SGCD: variants seen among roughly 807,000 people sequenced by gnomAD.
SGCD encodes the protein delta-sarcoglycan.
A neutral mutation model predicts 36.6 loss-of-function variants in SGCD; 18 were observed. That is an observed-to-expected ratio of 0.49 (90% confidence interval 0.34 to 0.73). The LOEUF (loss-of-function observed/expected upper bound fraction) is 0.73, where lower values mean the gene tolerates loss of function less well. SGCD is among the 30% of genes least tolerant of loss of function. The probability of loss-of-function intolerance (pLI) is 0.01; values close to 1 mark genes in which losing one functional copy is unlikely to be tolerated. For missense variants in SGCD, 387 were observed against 346.7 expected (o/e 1.12, Z -0.92); for synonymous variants, 133 against 130.6 (o/e 1.02, Z -0.12).
chr5:156,649,051 G>A (rs1763348337), intron 7 of SGCD, among the ~76,000 whole-genome samples: 1 of 152,148 alleles, frequency 6.6e-6, no homozygotes, highest in African/African-American at 2.4e-5. Context: ...ATGGGCGAAG[G>A]ATATGAACAG....
At chr5:156,277,422 C>T (rs1007606866) in intron 3 of SGCD, among the ~76,000 whole-genome samples, 1 of 152,128 alleles carries the variant, frequency 6.6e-6, no homozygotes, top group African/African-American at 2.4e-5. Flanking sequence ...ATAAAAATAG[C>T]CCACTTGTAA....
At chr5:155,847,840 T>C in the SGCD span, among the ~76,000 whole-genome samples, 1 of 152,346 alleles carries the variant, frequency 6.6e-6, no homozygotes, top group East Asian at 1.9e-4. Flanking sequence ...ATTCTTACTA[T>C]GGATTGTCCT....
intron 7 of SGCD, among the ~76,000 whole-genome samples, chr5:156,687,601 A>T (rs939032004): frequency 2.6e-5 from 4 of 152,200 alleles, no homozygotes; most frequent in African/African-American, 9.6e-5. Flanking sequence ...AAGACAGCAG[A>T]TAATGTACTT....
intron 3 of SGCD, among the ~76,000 whole-genome samples, chr5:156,142,542 G>A (rs1762605924): frequency 6.6e-6 from 1 of 152,190 alleles, no homozygotes; most frequent in South Asian, 2.1e-4. Context: ...TGCTGATAGT[G>A]ATATTGACAG....
intron 6 of SGCD, among the ~76,000 whole-genome samples, chr5:156,597,499 T>A (rs780335912): frequency 6.6e-6 from 1 of 152,174 alleles, no homozygotes; most frequent in Non-Finnish European, 1.5e-5. Context: ...TCATGAGACT[T>A]ATTCACGATC....
intron 6 of SGCD, among the ~76,000 whole-genome samples, chr5:156,640,790 G>T (rs1206065944): frequency 1.3e-5 from 2 of 152,138 alleles, no homozygotes; most frequent in East Asian, 3.8e-4. Context: ...TTCCTAAAAA[G>T]AAAATATTTG....
chr5:155,879,074 A>T (rs1755822192), intron 1 of SGCD, among the ~76,000 whole-genome samples: 1 of 152,004 alleles, frequency 6.6e-6, no homozygotes, highest in Non-Finnish European at 1.5e-5. Context: ...CCACATCTGC[A>T]CACTTAAAAA....
the SGCD span, among the ~76,000 whole-genome samples, chr5:155,758,422 T>C: frequency 6.6e-6 from 1 of 152,216 alleles, no homozygotes; most frequent in Non-Finnish European, 1.5e-5. Flanking sequence ...TCAATACTTT[T>C]ATGTTACATA....
chr5:156,015,327 C>T (rs1266772424), intron 1 of SGCD, among the ~76,000 whole-genome samples: 2 of 152,068 alleles, frequency 1.3e-5, no homozygotes, highest in South Asian at 2.1e-4. Flanking sequence ...ATTTATTCCA[C>T]ACTTGGCCAG....
chr5:155,911,319 G>GTA (rs1554103851), intron 1 of SGCD, among the ~76,000 whole-genome samples: 11,122 of 141,314 alleles, frequency 0.079, 586 homozygotes, highest in African/African-American at 0.14. Flanking sequence ...GTGTGTGTGT[G>GTA]TATATATATA....
intron 4 of SGCD, among the ~76,000 whole-genome samples, chr5:156,587,585 C>CATG (rs981280662): frequency 1.8e-4 from 27 of 152,300 alleles, no homozygotes; most frequent in African/African-American, 6.5e-4. Context: ...GCCATTCTGC[C>CATG]ATGTGCAGGT....
intron 7 of SGCD, among the ~76,000 whole-genome samples, chr5:156,730,331 T>A (rs541821490): frequency 1.2e-4 from 18 of 152,264 alleles, no homozygotes; most frequent in African/African-American, 3.6e-4. Flanking sequence ...CACCCAGATA[T>A]TAAGCTTAGT....
intron 7 of SGCD, among the ~76,000 whole-genome samples, chr5:156,720,652 G>C (rs1161754187): frequency 1.3e-5 from 2 of 152,216 alleles, no homozygotes; most frequent in Non-Finnish European, 2.9e-5. Context: ...CCTGAAATCA[G>C]GGTCATGAAG....
intron 7 of SGCD, among the ~76,000 whole-genome samples, chr5:156,684,274 T>C (rs1753825248): frequency 6.6e-6 from 1 of 151,682 alleles, no homozygotes; most frequent in Admixed American, 6.6e-5. Flanking sequence ...GGGAAGATGA[T>C]GAAGTGAGGA....
At chr5:156,597,240 T>C (rs185060654) in intron 6 of SGCD, among the ~76,000 whole-genome samples, 18 of 152,278 alleles carry the variant, frequency 1.2e-4, no homozygotes, top group African/African-American at 4.3e-4. Flanking sequence ...ATAAATAAAA[T>C]AGATGAAAGA....
chr5:155,839,910 G>A, the SGCD span, among the ~76,000 whole-genome samples: 4 of 150,978 alleles, frequency 2.6e-5, no homozygotes. Context: ...CAGGATTTCC[G>A]CCCAGCAACG....
chr5:156,120,455 A>T (rs1177410244), intron 2 of SGCD, among the ~76,000 whole-genome samples: 5 of 152,230 alleles, frequency 3.3e-5, no homozygotes, highest in Non-Finnish European at 4.4e-5. Flanking sequence ...ATTACAAAAG[A>T]TAAAGAAAAA....
chr5:156,546,016 A>G (rs771598332), intron 4 of SGCD, among the ~76,000 whole-genome samples: 10 of 152,206 alleles, frequency 6.6e-5, no homozygotes, highest in Non-Finnish European at 1.5e-4. Flanking sequence ...AAAACTATCA[A>G]GAATAAATGT....
At chr5:156,535,374 C>T (rs1001778939) in intron 4 of SGCD, among the ~76,000 whole-genome samples, 1 of 152,172 alleles carries the variant, frequency 6.6e-6, no homozygotes, top group African/African-American at 2.4e-5. Flanking sequence ...TGAGCCATTA[C>T]CCTTCCATTT....
Sources: gnomAD v4.1 joint callset for allele counts (sites outside exome capture counted in the v4.1 genomes callset) on GRCh38, gnomAD v4.1.1 for gene constraint, MANE v1.5 for transcripts, NCBI Gene and HGNC (gene_info 2026-07-23, HGNC 2026-07-21) for gene names.